The following THOC2 variants were observed in gnomAD, a reference collection of about 807,000 sequenced individuals.
THOC2 encodes the protein THO complex 2.
In THOC2, 10 loss-of-function variants were observed where a neutral mutation model predicts 128.4. The observed-to-expected ratio is 0.08, with a 90% CI of 0.05 to 0.13. The LOEUF (loss-of-function observed/expected upper bound fraction) is 0.13. Among genes scored for constraint, THOC2 ranks in the 10% least tolerant of loss-of-function variants. The pLI, the probability that THOC2 is intolerant of heterozygous loss-of-function variation, is 1.00. For missense variants in THOC2, 535 were observed against 1,155.7 expected (o/e 0.46, Z 7.79); for synonymous variants, 393 against 396.9 (o/e 0.99, Z 0.12).
chrX:123,661,316 A>C (rs903588040), intron 12 of THOC2, among the ~76,000 whole-genome samples: 2 of 111,210 alleles, frequency 1.8e-5, no homozygotes, highest in African/African-American at 6.5e-5. Context: ...GAAGCAGGAG[A>C]ATTGCTTGAA....
intron 19 of THOC2, 56 bp from the exon 20 acceptor site, chrX:123,634,126 A>G: frequency 1.5e-6 from 1 of 684,056 alleles, no homozygotes; most frequent in Middle Eastern, 3.6e-4. Flanking sequence ...TATAAAAGTA[A>G]CAATGTATTG....
intron 12 of THOC2, among the ~76,000 whole-genome samples, chrX:123,651,604 T>C (rs1014232856): frequency 5.4e-5 from 6 of 110,944 alleles, no homozygotes; most frequent in Non-Finnish European, 1.1e-4. Context: ...TAAAAAATTA[T>C]AAAGGGGATA....
chrX:123,686,088 T>C (rs190669501), intron 8 of THOC2, among the ~76,000 whole-genome samples: 1 of 111,844 alleles, frequency 8.9e-6, no homozygotes, highest in African/African-American at 3.2e-5. Flanking sequence ...TGTGACAATC[T>C]GAAGTACACA....
intron 1 of THOC2, among the ~76,000 whole-genome samples, chrX:123,732,583 G>A (rs2052321124): frequency 8.9e-6 from 1 of 112,117 alleles, no homozygotes; most frequent in Middle Eastern, 4.2e-3. Context: ...TGGAAAGTCC[G>A]AATTGCCCCG....
chrX:123,611,726 G>C (rs1460549888), intron 36 of THOC2, among the ~76,000 whole-genome samples: 2 of 105,206 alleles, frequency 1.9e-5, no homozygotes, highest in Admixed American at 2.1e-4. Context: ...TATCAAGAAA[G>C]TGAAAAGACA....
chrX:123,622,273 C>T (rs771664706), intron 30 of THOC2, among the ~76,000 whole-genome samples: 12 of 110,400 alleles, frequency 1.1e-4, no homozygotes, highest in East Asian at 5.8e-4. Flanking sequence ...TGGTGGCACA[C>T]GCTTGTAATC....
At chrX:123,718,869 T>C (rs2051548832) in intron 1 of THOC2, among the ~76,000 whole-genome samples, 1 of 109,820 alleles carries the variant, frequency 9.1e-6, no homozygotes, top group African/African-American at 3.3e-5. Flanking sequence ...GGGGTTAATA[T>C]CCAAAATATA....
intron 22 of THOC2, among the ~76,000 whole-genome samples, chrX:123,630,612 C>CAAAAA (rs57639724): frequency 3.7e-4 from 6 of 16,060 alleles, no homozygotes; most frequent in African/African-American, 5.2e-4. Context: ...GACTCCATCT[C>CAAAAA]AAAAAAAAAA....
chrX:123,712,895 G>C lies in THOC2; in HGVS notation c.85C>G (p.Arg29Gly). The C allele has an allele frequency of 8.6e-7, 1 of 1,159,552 alleles. No homozygotes were observed. The highest frequency in any genetic ancestry group is 1.2e-6 in the Non-Finnish European group (1 of 863,142). Residue 29 changes from arginine to glycine, a missense_variant, in exon 2 of 39, where the codon CGG (arginine) becomes GGG (glycine). Physicochemically the swap from Arg to Gly is moderately radical, Grantham distance 125 (BLOSUM62 -2). This residue lies in a region of THOC2 where 61 missense variants were observed against 84.3 expected (regional missense o/e 0.72). Transcript: ENST00000245838. ...TGGCTTTTATTTTCACTGAGGATCC[G>C]ACATAAATGCAAACTAGAATAAAAT... ...SGRGEFLHLC[R>G]ILSENKSHDS...
At chrX:123,660,322 G>C (rs898074831) in intron 12 of THOC2, among the ~76,000 whole-genome samples, 1 of 111,449 alleles carries the variant, frequency 9.0e-6, no homozygotes, top group Non-Finnish European at 1.9e-5. Flanking sequence ...TTGGTCTCCT[G>C]CTCACAAGTT....
At chrX:123,605,202 G>T (rs1054772244) in intron 38 of THOC2, among the ~76,000 whole-genome samples, 1 of 111,390 alleles carries the variant, frequency 9.0e-6, no homozygotes. Context: ...GTGTGTAGGG[G>T]AAAGACACAC....
chrX:123,704,774 T>G (rs1349403569), intron 3 of THOC2, among the ~76,000 whole-genome samples: 8 of 111,453 alleles, frequency 7.2e-5, no homozygotes, highest in Non-Finnish European at 1.5e-4. Flanking sequence ...AGGAGAATTG[T>G]TTGAATCTGG....
intron 12 of THOC2, among the ~76,000 whole-genome samples, chrX:123,658,365 A>G (rs2048693451): frequency 8.9e-6 from 1 of 112,108 alleles, no homozygotes; most frequent in Admixed American, 9.5e-5. Flanking sequence ...AGAGTAGATC[A>G]AAAACCTAGG....
chrX:123,711,550 A>G (rs1265487535), intron 2 of THOC2, among the ~76,000 whole-genome samples: 6 of 110,521 alleles, frequency 5.4e-5, no homozygotes, highest in East Asian at 5.7e-4. Flanking sequence ...TTGGGAGGCC[A>G]AGGCAGGCAG....
intron 12 of THOC2, among the ~76,000 whole-genome samples, chrX:123,650,801 C>G (rs960022521): frequency 2.7e-5 from 3 of 112,043 alleles, no homozygotes; most frequent in African/African-American, 9.7e-5. Context: ...CATCCAGATT[C>G]ATAAAGCAAG....
intron 12 of THOC2, among the ~76,000 whole-genome samples, chrX:123,653,671 C>G (rs1322128739): frequency 8.9e-6 from 1 of 111,865 alleles, no homozygotes; most frequent in Non-Finnish European, 1.9e-5. Flanking sequence ...AAATGCTCAT[C>G]ATTACTGGTC....
intron 9 of THOC2, among the ~76,000 whole-genome samples, chrX:123,668,800 T>G (rs2049147243): frequency 8.9e-6 from 1 of 112,163 alleles, no homozygotes; most frequent in Admixed American, 9.5e-5. Flanking sequence ...ATTAGTAACT[T>G]GACATCTCAC....
intron 1 of THOC2, among the ~76,000 whole-genome samples, chrX:123,716,963 G>A (rs1354628016): frequency 4.5e-5 from 5 of 110,571 alleles, no homozygotes; most frequent in Non-Finnish European, 9.4e-5. Flanking sequence ...ACAAAAAAAG[G>A]CCATAAATAA....
rs1018045520 is a variant in THOC2 at position 123,696,992 on chromosome X, T to C, written c.346-150A>G. The C allele has an allele frequency of 1.0e-5, 4 of 394,426 alleles. No homozygotes were observed. The Admixed American group carries it at 2.3e-4, about 23-fold the overall frequency. 32.5% of individuals were successfully genotyped at this position (394,426 alleles called of 1,213,427 possible). On this transcript the variant is annotated intron_variant, in intron 5 of 38. Coordinates refer to ENST00000245838, the MANE Select transcript of THOC2 (RefSeq NM_001081550.2). ...TTTATAAAAAGGCTTAGAAGTTCAA[T>C]TTAACAAATATTGACTCCAAATATT... is the stretch of plus-strand genomic sequence containing the variant.
Sources: gnomAD v4.1 joint callset for allele counts (sites outside exome capture counted in the v4.1 genomes callset) on GRCh38, gnomAD v4.1.1 for gene constraint, gnomAD v4.1.1 regional missense constraint, MANE v1.5 for transcripts, NCBI Gene and HGNC (gene_info 2026-07-23, HGNC 2026-07-21) for gene names.